WSCD1: variants seen among roughly 807,000 people sequenced by gnomAD.
WSCD1 encodes WSC domain sialate O sulfotransferase 1.
In WSCD1, 41 loss-of-function variants were observed where a neutral mutation model predicts 60.4. The ratio of observed to expected loss-of-function variants is 0.68; its 90% CI spans 0.53 to 0.88. The LOEUF is 0.88. Ranked by LOEUF, WSCD1 falls within the 40% of genes least tolerant of loss-of-function variation. The pLI is 0.00. For missense variants in WSCD1, 784 were observed against 796.2 expected (o/e 0.98, Z 0.18); for synonymous variants, 361 against 332.5 (o/e 1.09, Z -0.93).
At chr17:6,090,594 T>A (rs1909970562) in intron 4 of WSCD1, 89 bp downstream of exon 4, 6 of 1,519,096 alleles carry the variant, frequency 3.9e-6, no homozygotes, top group Non-Finnish European at 5.3e-6. Context: ...TGAAACTACC[T>A]GGGGCAGAAC....
chr17:6,080,852 G>T lies in WSCD1; in HGVS notation c.194G>T (p.Gly65Val). 6.2e-7 allele frequency: 1 copy of T among 1,606,408 alleles called. No homozygotes were observed. The change falls in exon 2 of 9, where the codon GGC becomes GTC. Residue 65 changes from glycine (G) to valine (V), a missense_variant. Coordinates refer to ENST00000317744, the MANE Select transcript of WSCD1 (RefSeq NM_015253.2). This position sits in a 1 kb window ranked among gnomAD's most constrained non-coding sequence, Gnocchi z 6.6. ...LPVAAVALGV[G>V]LLDSRALHDP... ...GTGGCCGCCGTGGCGCTGGGCGTGG[G>T]CTTGCTGGACAGCAGAGCCCTGCAC...
intron 5 of WSCD1, among the ~76,000 whole-genome samples, chr17:6,099,478 G>A (rs927433476): frequency 6.6e-5 from 10 of 151,854 alleles, no homozygotes; most frequent in Non-Finnish European, 1.5e-4. Context: ...TCACACCACC[G>A]CGCTCCAGCC....
chr17:6,070,472 G>T lies in WSCD1; in HGVS notation c.-469G>T, dbSNP rs983723389. The T allele has an allele frequency of 1.4e-5, 2 of 146,530 alleles. No homozygotes were observed. The highest frequency in any genetic ancestry group is 1.9e-4 in the South Asian group (1 of 5,144). 9.1% of individuals were successfully genotyped at this position (146,530 alleles called of 1,614,324 possible). On this transcript the variant is annotated 5_prime_UTR_variant, in exon 1 of 9. Coordinates refer to ENST00000317744, the MANE Select transcript of WSCD1 (RefSeq NM_015253.2). The stretch of plus-strand genomic sequence containing the variant: ...GTTCAGCCCGGACGCCAGCAGCCCC[G>T]GGGAGCCAGGCGGCGGCGCCCTGTG...
chr17:6,088,643 A>G (rs926132150), intron 3 of WSCD1, among the ~76,000 whole-genome samples: 20 of 152,088 alleles, frequency 1.3e-4, no homozygotes, highest in African/African-American at 4.8e-4. Context: ...TGTGCCAGGG[A>G]AATGGTTCCT....
At chr17:6,119,069 T>TA (rs1904478637) in intron 8 of WSCD1, among the ~76,000 whole-genome samples, 2 of 152,172 alleles carry the variant, frequency 1.3e-5, no homozygotes, top group Non-Finnish European at 2.9e-5. Flanking sequence ...ACTCTTCTGA[T>TA]AAAGGCACTA....
At chr17:6,105,729 T>C (rs558346182) in intron 5 of WSCD1, among the ~76,000 whole-genome samples, 2 of 152,206 alleles carry the variant, frequency 1.3e-5, no homozygotes, top group East Asian at 3.9e-4. Flanking sequence ...GGATATAAGA[T>C]TGTGGGGCAT....
Position 6,095,178 on chromosome 17 carries a change from G to C in WSCD1, c.804G>C (p.Gln268His). Residue 268 changes from glutamine (Q) to histidine (H), a missense_variant, in exon 5 of 9, where the codon CAG (glutamine) becomes CAC (histidine). Physicochemically the swap from Gln to His is conservative, Grantham distance 24 (BLOSUM62 0). Coordinates refer to ENST00000317744, the MANE Select transcript of WSCD1 (RefSeq NM_015253.2). The part of the protein sequence containing the change: ...ITHAFPSSLI[Q>H]ANVTVGTCSG... ...ATGCCTTCCCCAGCTCCCTGATACAGGCCAATGTGACCGTGGGGACTTGCT... is the reference window on the plus strand; with the variant it reads ...ATGCCTTCCCCAGCTCCCTGATACACGCCAATGTGACCGTGGGGACTTGCT... The C allele has an allele frequency of 6.2e-7, 1 of 1,613,696 alleles. No homozygotes were observed. The highest frequency in any genetic ancestry group is 8.5e-7 in the Non-Finnish European group (1 of 1,179,822).
At position 6,075,745 on chromosome 17, in the gene WSCD1, C is replaced by T. The variant is rs147691294; in HGVS notation, c.-288-4626C>T. Reference sequence around the variant, plus strand: ...GTCCAGCCCTGGCGTGCCCCCTCTACCCCCAATAAGGCCAAGCCCCAGGCA... The same window carrying T: ...GTCCAGCCCTGGCGTGCCCCCTCTATCCCCAATAAGGCCAAGCCCCAGGCA... On this transcript the variant is annotated intron_variant, in intron 1 of 8. Transcript: ENST00000317744. This position sits in a 1 kb window ranked among gnomAD's most constrained non-coding sequence, Gnocchi z 4.1. 8.7e-3 allele frequency among the ~76,000 whole-genome samples: 1,327 copies of T among 152,228 alleles called. 17 individuals carry two copies. Among genetic ancestry groups the T allele is most frequent in the Non-Finnish European group, 0.012 (791 of 68,022 alleles).
At position 6,092,023 on chromosome 17, in the gene WSCD1, A is replaced by G. The variant is rs539802573; in HGVS notation, c.727+1518A>G. Among the ~76,000 whole-genome samples, 12 of 152,186 alleles carry G rather than the reference A, an allele frequency of 7.9e-5. No homozygotes were observed. In the East Asian group the frequency reaches 1.2e-3, roughly 15 times the overall value. Reference sequence around the variant, plus strand: ...TACAAAATTTGCCGGATGTGGTGGCAGGTGCCTGTAATCCTAGCTACTCAG... The same window carrying G: ...TACAAAATTTGCCGGATGTGGTGGCGGGTGCCTGTAATCCTAGCTACTCAG... On this transcript the variant is annotated intron_variant, in intron 4 of 8. Transcript: ENST00000317744.
rs1904809856 is a variant in WSCD1 at position 6,123,045 on chromosome 17, G to T, written c.*2384G>T. 6.6e-6 allele frequency: 1 copy of T among 152,222 alleles called. No individual in the cohort carries two copies. Among genetic ancestry groups the T allele is most frequent in the Non-Finnish European group, 1.5e-5 (1 of 68,074 alleles). The allele number at this position is 152,222 out of a possible 1,614,324, so 9.4% of individuals were successfully genotyped here. A position where few individuals can be genotyped will look rare whatever the true frequency, so the allele number is the denominator to read the frequency against. ...AGATCTCATCAGAAACAGGAACGGG[G>T]ATCTGTCTGTGCTTGCAGGAAAGTC... On this transcript the variant is annotated 3_prime_UTR_variant, in exon 9 of 9. Transcript: ENST00000317744.
chr17:6,110,637 C>G lies in WSCD1; in HGVS notation c.1010-134C>G, dbSNP rs1911356079. ...CTAAGGTATATTTGGAAGATCTCTT[C>G]CCTTCTTTGGGCCTTGGTTCCCCCA... is the stretch of plus-strand genomic sequence containing the variant. On this transcript the variant is annotated intron_variant, in intron 6 of 8. Coordinates refer to ENST00000317744, the MANE Select transcript of WSCD1 (RefSeq NM_015253.2). This position sits in a 1 kb window ranked among gnomAD's most constrained non-coding sequence, Gnocchi z 4.8. 8.3e-7 allele frequency: 1 copy of G among 1,208,600 alleles called. No individual in the cohort carries two copies. The highest frequency in any genetic ancestry group is 1.5e-5 in the South Asian group (1 of 66,228). The allele number at this position is 1,208,600 out of a possible 1,614,324, so 74.9% of individuals were successfully genotyped here. A position where few individuals can be genotyped will look rare whatever the true frequency, so the allele number is the denominator to read the frequency against.
intron 6 of WSCD1, among the ~76,000 whole-genome samples, 188 bp downstream of exon 6, chr17:6,109,954 G>A (rs1317917131): frequency 6.6e-6 from 1 of 152,166 alleles, no homozygotes; most frequent in East Asian, 1.9e-4. Flanking sequence ...CCTCCACAGA[G>A]GCTGAATCCT....
At position 6,118,759 on chromosome 17, in the gene WSCD1, A is replaced by G. The variant is rs1323551698; in HGVS notation, c.1375+571A>G. 6.6e-6 allele frequency among the ~76,000 whole-genome samples: 1 copy of G among 152,170 alleles called. No individual in the cohort carries two copies. Among genetic ancestry groups the G allele is most frequent in the Non-Finnish European group, 1.5e-5 (1 of 68,028 alleles). On this transcript the variant is annotated intron_variant, in intron 8 of 8. Coordinates refer to ENST00000317744, the MANE Select transcript of WSCD1 (RefSeq NM_015253.2). The surrounding 1 kb of genome is among the most constrained non-coding windows in gnomAD (Gnocchi z 5.8). ...GGTGGGGAAATCACATCAGCCCTAC[A>G]TTCCAGATGAGCCCAGAGAACATGG...
At chr17:6,087,430 G>A (rs1416221159) in intron 2 of WSCD1, among the ~76,000 whole-genome samples, 1 of 152,228 alleles carries the variant, frequency 6.6e-6, no homozygotes, top group Non-Finnish European at 1.5e-5. Context: ...AGACTCTGCG[G>A]ACACACTCCA....
At chr17:6,104,263 A>G (rs1233114201) in intron 5 of WSCD1, among the ~76,000 whole-genome samples, 2 of 152,178 alleles carry the variant, frequency 1.3e-5, no homozygotes, top group Non-Finnish European at 2.9e-5. Context: ...CCCCACCCCT[A>G]TGATCTAACC....
At position 6,075,522 on chromosome 17, in the gene WSCD1, G is replaced by C. The variant is rs1385461186; in HGVS notation, c.-288-4849G>C. 6.6e-6 allele frequency among the ~76,000 whole-genome samples: 1 copy of C among 152,116 alleles called. No individual in the cohort carries two copies. Among genetic ancestry groups the C allele is most frequent in the Admixed American group, 6.5e-5 (1 of 15,268 alleles). On this transcript the variant is annotated intron_variant, in intron 1 of 8. Transcript: ENST00000317744. The surrounding 1 kb of genome is among the most constrained non-coding windows in gnomAD (Gnocchi z 4.1). ...GTTGCTGCTCCCTCGGTCCCAGATG[G>C]CAACAAAGTAATAGACAAAAGCTCA...
chr17:6,104,521 A>G lies in WSCD1; in HGVS notation c.850-5086A>G, dbSNP rs193241987. ...CCAGCATCTGCCTCTCCAAATCACA[A>G]GGCCCCATTCTCAGTTACAGCATCA... On this transcript the variant is annotated intron_variant, in intron 5 of 8. Coordinates refer to ENST00000317744, the MANE Select transcript of WSCD1 (RefSeq NM_015253.2). 1.5e-3 allele frequency among the ~76,000 whole-genome samples: 229 copies of G among 152,304 alleles called. 1 individual carries two copies. The highest frequency in any genetic ancestry group is 1.7e-3 in the Non-Finnish European group (119 of 68,014).
Position 6,087,999 on chromosome 17 carries a change from T to C in WSCD1, c.437T>C (p.Ile146Thr). The C allele has an allele frequency of 6.2e-7, 1 of 1,613,580 alleles. No homozygotes were observed. The highest frequency in any genetic ancestry group is 8.5e-7 in the Non-Finnish European group (1 of 1,179,540). ...RPAIHSRGTY[I>T]GCFSDDGHER... ...GCTTCCCTTTCTGCAGGCACCTACA[T>C]TGGATGCTTCAGTGACGATGGCCAC... Residue 146 changes from isoleucine (I) to threonine (T), a missense_variant, in exon 3 of 9, where the codon ATT becomes ACT. Physicochemically the swap from Ile to Thr is moderately conservative, Grantham distance 89. Transcript: ENST00000317744.
chr17:6,070,821 G>A (rs1189856512), intron 1 of WSCD1, among the ~76,000 whole-genome samples, 169 bp downstream of exon 1: 1 of 151,250 alleles, frequency 6.6e-6, no homozygotes, highest in Admixed American at 6.6e-5. Flanking sequence ...CCGGGGGCCC[G>A]GGGCGGCTCG....
Sources: gnomAD v4.1 joint callset for allele counts (sites outside exome capture counted in the v4.1 genomes callset) on GRCh38, gnomAD v4.1.1 for gene constraint, Gnocchi (gnomAD v3.1) non-coding constraint, MANE v1.5 for transcripts, NCBI Gene and HGNC (gene_info 2026-07-23, HGNC 2026-07-21) for gene names.